NCALD: variants seen among roughly 807,000 people sequenced by gnomAD.
NCALD encodes the protein neurocalcin delta.
A neutral mutation model predicts 18.6 loss-of-function variants in NCALD; 10 were observed. The observed-to-expected ratio is 0.54, with a 90% CI of 0.33 to 0.91. The LOEUF (loss-of-function observed/expected upper bound fraction) is 0.91. NCALD is among the 40% of genes least tolerant of loss of function. The pLI is 0.03. For missense variants in NCALD, 184 were observed against 247.6 expected (o/e 0.74, Z 1.72); for synonymous variants, 88 against 87.4 (o/e 1.01, Z -0.04).
intron 4 of NCALD, among the ~76,000 whole-genome samples, chr8:101,819,972 G>T (rs1813655487): frequency 6.6e-6 from 1 of 152,128 alleles, no homozygotes; most frequent in Non-Finnish European, 1.5e-5. Flanking sequence ...TCCTTTCAGT[G>T]TTTTGTTTTG....
intron 4 of NCALD, among the ~76,000 whole-genome samples, chr8:101,796,161 C>T (rs1046452214): frequency 9.2e-5 from 14 of 152,248 alleles, no homozygotes; most frequent in African/African-American, 3.4e-4. Flanking sequence ...AGGATCCACC[C>T]TAGAATCATT....
chr8:101,829,665 C>A (rs1814087592), intron 4 of NCALD, among the ~76,000 whole-genome samples: 1 of 152,132 alleles, frequency 6.6e-6, no homozygotes, highest in South Asian at 2.1e-4. Flanking sequence ...GTGGCACACA[C>A]ACACACACAC....
In NCALD at chr8:101,846,901, C is replaced by T. The variant is rs186653051; in HGVS notation, c.-20+40240G>A. On this transcript the variant is annotated intron_variant, in intron 4 of 6. Transcript: ENST00000311028. ...CACAGGCGATCATGGTGGGAGTGGA[C>T]ATTTCCCATTCCAGCCACAAGGAGT... Among the ~76,000 whole-genome samples, 535 of 152,256 alleles carry T rather than the reference C, an allele frequency of 3.5e-3. 6 individuals carry two copies. Among genetic ancestry groups the T allele is most frequent in the African/African-American group, 0.012 (504 of 41,552 alleles).
intron 4 of NCALD, among the ~76,000 whole-genome samples, chr8:101,799,037 T>C (rs4576401): frequency 0.8 from 121,734 of 152,188 alleles, 48,835 homozygotes; most frequent in African/African-American, 0.86. Context: ...GGGGAAATAT[T>C]TGCAAATCAA....
chr8:101,692,477 G>A, intron 3 of NCALD: 10 of 985,464 alleles, frequency 1.0e-5, no homozygotes, highest in Non-Finnish European at 1.2e-5. Flanking sequence ...GCCTAGGCCT[G>A]TCCCAAGGAT....
intron 2 of NCALD, chr8:101,693,525 A>T (rs1814846073): frequency 6.6e-6 from 1 of 152,024 alleles, no homozygotes; most frequent in South Asian, 2.1e-4. Flanking sequence ...AAAATGCAGA[A>T]TCTGATTGGG....
intron 4 of NCALD, among the ~76,000 whole-genome samples, chr8:101,817,670 C>T (rs1369174912): frequency 6.6e-6 from 1 of 152,090 alleles, no homozygotes; most frequent in Non-Finnish European, 1.5e-5. Flanking sequence ...AGAATAATAA[C>T]CCTAAAGAGA....
At chr8:102,044,787 G>A (rs1823181504) in intron 1 of NCALD, among the ~76,000 whole-genome samples, 1 of 152,188 alleles carries the variant, frequency 6.6e-6, no homozygotes. Context: ...TAGCTCAGGA[G>A]CAGGTCTACA....
intron 1 of NCALD, among the ~76,000 whole-genome samples, chr8:102,105,065 A>G (rs1339851878): frequency 1.3e-5 from 2 of 152,226 alleles, no homozygotes; most frequent in Non-Finnish European, 2.9e-5. Context: ...CACAGAGCCA[A>G]GAGATAGATT....
chr8:101,971,887 C>T (rs1025658894), intron 2 of NCALD, among the ~76,000 whole-genome samples: 1 of 152,174 alleles, frequency 6.6e-6, no homozygotes, highest in Admixed American at 6.5e-5. Flanking sequence ...TCATCTTATG[C>T]CTGCCACATA....
chr8:101,840,061 G>C (rs1264933), intron 4 of NCALD, among the ~76,000 whole-genome samples: 43,419 of 151,256 alleles, frequency 0.29, 6,588 homozygotes, highest in African/African-American at 0.37. Context: ...ATAAGGAAAT[G>C]AAGTACTCTT....
At chr8:101,930,973 T>G in intron 2 of NCALD, among the ~76,000 whole-genome samples, 1 of 151,704 alleles carries the variant, frequency 6.6e-6, no homozygotes, top group African/African-American at 2.4e-5. Flanking sequence ...TTTGGAGGGG[T>G]TTGCTAGTGA....
At chr8:102,113,107 T>C (rs1048745284) in intron 1 of NCALD, among the ~76,000 whole-genome samples, 1 of 152,098 alleles carries the variant, frequency 6.6e-6, no homozygotes, top group African/African-American at 2.4e-5. Flanking sequence ...ACCAATTAAG[T>C]GGTCTAGGAG....
chr8:101,986,192 G>A (rs1473222009), intron 2 of NCALD, among the ~76,000 whole-genome samples: 2 of 152,038 alleles, frequency 1.3e-5, no homozygotes, highest in Non-Finnish European at 2.9e-5. Flanking sequence ...CACCATGCCT[G>A]GCTAATTTTT....
At chr8:101,748,120 T>C (rs1810502499) in intron 1 of NCALD, among the ~76,000 whole-genome samples, 2 of 152,174 alleles carry the variant, frequency 1.3e-5, no homozygotes, top group Non-Finnish European at 2.9e-5. Flanking sequence ...AAATGAGACA[T>C]TTTCCTTTCA....
intron 1 of NCALD, among the ~76,000 whole-genome samples, chr8:101,772,262 A>T (rs888868861): frequency 6.6e-6 from 1 of 152,216 alleles, no homozygotes; most frequent in African/African-American, 2.4e-5. Flanking sequence ...ATTAAGAAAC[A>T]TGCTAACTTT....
At chr8:101,697,624 T>G (rs1049391356) in intron 2 of NCALD, among the ~76,000 whole-genome samples, 2 of 152,168 alleles carry the variant, frequency 1.3e-5, no homozygotes, top group African/African-American at 4.8e-5. Flanking sequence ...ATCCCTGGGA[T>G]GAAGGCTAGT....
At chr8:102,009,289 T>C (rs1821823707) in intron 2 of NCALD, among the ~76,000 whole-genome samples, 1 of 152,240 alleles carries the variant, frequency 6.6e-6, no homozygotes, top group African/African-American at 2.4e-5. Flanking sequence ...AAGCAATCCT[T>C]TCAAAGATTT....
intron 2 of NCALD, among the ~76,000 whole-genome samples, chr8:101,926,427 A>C (rs1411534833): frequency 6.6e-6 from 1 of 152,176 alleles, no homozygotes; most frequent in Non-Finnish European, 1.5e-5. Flanking sequence ...TGTGGCTTGG[A>C]AGGACTCAGG....
Sources: allele counts gnomAD v4.1 joint callset (sites outside exome capture counted in the v4.1 genomes callset), GRCh38; gene constraint gnomAD v4.1.1; transcripts MANE v1.5; gene names NCBI Gene and HGNC (gene_info 2026-07-23, HGNC 2026-07-21).